The following CUL4B variants were observed in gnomAD, a reference collection of about 807,000 sequenced individuals.
CUL4B encodes cullin 4B.
Under a neutral mutation model 69.2 loss-of-function variants are expected in CUL4B, and 1 was observed. The ratio of observed to expected loss-of-function variants is 0.01; its 90% confidence interval spans 0.01 to 0.07. The LOEUF (loss-of-function observed/expected upper bound fraction) is 0.07, where lower values mean the gene tolerates loss of function less well. CUL4B is among the 10% of genes least tolerant of loss of function. The probability of loss-of-function intolerance (pLI) is 1.00; values close to 1 mark genes in which losing one functional copy is unlikely to be tolerated. For synonymous variants in CUL4B, 237 were observed against 223.2 expected (o/e 1.06, Z -0.55); for missense variants, 328 against 638.8 (o/e 0.51, Z 5.24).
In CUL4B at chrX:120,530,219, A is replaced by G; in HGVS notation, c.2475T>C (p.Phe825=). The G allele has an allele frequency of 1.7e-6, 2 of 1,210,785 alleles. No homozygotes were observed. Among genetic ancestry groups the G allele is most frequent in the Non-Finnish European group, 2.2e-6 (2 of 894,849 alleles). ...CATCAATTTGATACTGTCTGTCTTGAAATACTCTTTCTGTAGTGCTTGCTT... is the reference window on the plus strand; with the variant it reads ...CATCAATTTGATACTGTCTGTCTTGGAATACTCTTTCTGTAGTGCTTGCTT... ...EEQASTTERV[F]QDRQYQIDAA... is the part of the protein sequence containing the mutation. Residue 825 remains phenylalanine, a synonymous_variant, in exon 19 of 20, where the codon TTT becomes TTC. Coordinates refer to ENST00000371322, the MANE Select transcript of CUL4B (RefSeq NM_001079872.2).
chrX:120,572,550 A>G (rs942583568), intron 2 of CUL4B, among the ~76,000 whole-genome samples: 4 of 110,373 alleles, frequency 3.6e-5, no homozygotes, highest in African/African-American at 1.3e-4. Context: ...ATCTCCACTC[A>G]GTCCCTGTTC....
At chrX:120,536,070 C>T (rs1923653666) in intron 15 of CUL4B, 127 bp from the exon 16 acceptor site, 1 of 497,338 alleles carries the variant, frequency 2.0e-6, no homozygotes, top group Non-Finnish European at 3.6e-6. Flanking sequence ...GTCCACCAAT[C>T]ACTTTGATGA....
rs1224956282 is a variant in CUL4B, at chrX:120,534,384, A to C, written c.2266+97T>G. On this transcript the variant is annotated intron_variant, in intron 17 of 19. Transcript: ENST00000371322. ...AAAAAAAAGAAAAAAAAAACTCAAA[A>C]CAGTTCTGAGGCAAGGAATTATTCC... The C allele has an allele frequency of 7.9e-6, 5 of 635,062 alleles. No individual in the cohort carries two copies. In the South Asian group the frequency reaches 9.4e-5, roughly 12 times the overall value. 52.3% of individuals were successfully genotyped at this position (635,062 alleles called of 1,213,427 possible).
chrX:120,572,189 C>T (rs901186612), intron 2 of CUL4B, among the ~76,000 whole-genome samples: 5 of 109,298 alleles, frequency 4.6e-5, no homozygotes, highest in African/African-American at 1.7e-4. Flanking sequence ...CTTGGCTAGG[C>T]GTGGTAGCTC....
chrX:120,538,446 AAAT>A (rs1923795544), intron 13 of CUL4B: 2 of 420,779 alleles, frequency 4.8e-6, no homozygotes, highest in Non-Finnish European at 8.1e-6. Flanking sequence ...ATTTTTATAC[AAAT>A]AATAAAACCA....
At chrX:120,528,892 C>G (rs1923157067) in intron 19 of CUL4B, among the ~76,000 whole-genome samples, 1 of 111,687 alleles carries the variant, frequency 9.0e-6, no homozygotes, top group Non-Finnish European at 1.9e-5. Context: ...TCCTGGATGA[C>G]AAAATTCCAC....
In CUL4B at chrX:120,560,513, G is replaced by C; in HGVS notation, c.126C>G (p.Asn42Lys). 8.3e-7 allele frequency: 1 copy of C among 1,210,755 alleles called. No individual in the cohort carries two copies. The highest frequency in any genetic ancestry group is 1.1e-6 in the Non-Finnish European group (1 of 894,935). The stretch of plus-strand genomic sequence containing the variant: ...TGTTACTGCTGCTACTGCTGCTGCT[G>C]TTTAACTTTCTCTTCTTGGCAGAGG... Reference protein sequence around the residue: ...PPTSAKKRKLNSSSSSSSNSS... With the variant: ...PPTSAKKRKLKSSSSSSSNSS... Residue 42 changes from asparagine to lysine, a missense_variant, in exon 1 of 20, where the codon AAC becomes AAG. By Grantham distance (94) the Asn-to-Lys change is moderately conservative. Transcript: ENST00000371322.
At chrX:120,535,702 CTCAAA>C in intron 16 of CUL4B, 123 bp downstream of exon 16, 2 of 323,728 alleles carry the variant, frequency 6.2e-6, no homozygotes, top group Non-Finnish European at 1.0e-5. Flanking sequence ...GAGACTCTGT[CTCAAA>C]AAAAAAAAAA....
downstream of CUL4B, among the ~76,000 whole-genome samples, chrX:120,570,459 C>T (rs952808930): frequency 2.7e-5 from 3 of 112,145 alleles, no homozygotes; most frequent in Non-Finnish European, 5.6e-5. Context: ...GCTAAAACAG[C>T]AGAGTTTAGA....
chrX:120,551,574 T>C (rs1461960679), intron 2 of CUL4B, among the ~76,000 whole-genome samples: 1 of 111,538 alleles, frequency 9.0e-6, no homozygotes, highest in Non-Finnish European at 1.9e-5. Flanking sequence ...TGGAGTGGTG[T>C]CTGTAAAACA....
chrX:120,556,557 C>T (rs758271456), intron 2 of CUL4B, among the ~76,000 whole-genome samples: 13 of 110,730 alleles, frequency 1.2e-4, no homozygotes, highest in African/African-American at 3.6e-4. Flanking sequence ...TTGAGAGTGA[C>T]GGCTGGGTTT....
downstream of CUL4B, among the ~76,000 whole-genome samples, chrX:120,567,145 A>G (rs1319703204): frequency 1.2e-5 from 1 of 81,676 alleles, no homozygotes; most frequent in African/African-American, 4.8e-5. Context: ...TTTTTTTGAG[A>G]CAGAGTTTGG....
intron 5 of CUL4B, 105 bp from the exon 6 acceptor site, chrX:120,544,748 G>C: frequency 1.6e-6 from 1 of 615,694 alleles, no homozygotes; most frequent in Middle Eastern, 5.2e-4. Flanking sequence ...GGGCTCCAGG[G>C]CTTTGAAGCA....
upstream of CUL4B, among the ~76,000 whole-genome samples, chrX:120,565,126 T>A (rs1356084523): frequency 9.1e-6 from 1 of 109,500 alleles, no homozygotes; most frequent in African/African-American, 3.3e-5. Context: ...ATCACAGGGA[T>A]TCCCCAGGGT....
chrX:120,524,193 A>G lies in CUL4B; in HGVS notation c.*2568T>C, dbSNP rs751464618. 3.6e-5 allele frequency among the ~76,000 whole-genome samples: 4 copies of G among 111,305 alleles called. 1 individual carries two copies. In the South Asian group the frequency reaches 1.1e-3, roughly 31 times the overall value. On this transcript the variant is annotated 3_prime_UTR_variant, in exon 20 of 20. Coordinates refer to ENST00000371322, the MANE Select transcript of CUL4B (RefSeq NM_001079872.2). The stretch of plus-strand genomic sequence containing the variant: ...GTTCAAAAACTTTGAGGAACATCTT[A>G]CTCTGAGAGTATCTGGCCCAGAACT...
At chrX:120,559,205 A>C (rs765424130) in intron 1 of CUL4B, among the ~76,000 whole-genome samples, 2 of 112,203 alleles carry the variant, frequency 1.8e-5, no homozygotes, top group Non-Finnish European at 3.8e-5. Flanking sequence ...TCTATTTAAT[A>C]AACACTGTAG....
chrX:120,543,906 G>C lies in CUL4B; in HGVS notation c.1174-97C>G, dbSNP rs765570708. 1.1e-4 allele frequency: 70 copies of C among 657,550 alleles called. No homozygotes were observed. The African/African-American group carries it at 1.1e-3, about 10-fold the overall frequency. The allele number at this position is 657,550 out of a possible 1,213,427, so 54.2% of individuals were successfully genotyped here. Reference sequence around the variant, plus strand: ...TCCTGGAAGTGGCCCTGTCAAATGTGACAGGGTAGAATCATATGTAAAAAT... The same window carrying C: ...TCCTGGAAGTGGCCCTGTCAAATGTCACAGGGTAGAATCATATGTAAAAAT... On this transcript the variant is annotated intron_variant, in intron 7 of 19. Coordinates refer to ENST00000371322, the MANE Select transcript of CUL4B (RefSeq NM_001079872.2).
chrX:120,545,409 G>C, intron 5 of CUL4B, 35 bp downstream of exon 5: 3 of 948,513 alleles, frequency 3.2e-6, no homozygotes, highest in Non-Finnish European at 4.5e-6. Context: ...AGTATGATTT[G>C]GAACAATCTT....
intron 2 of CUL4B, among the ~76,000 whole-genome samples, chrX:120,554,007 C>T (rs1245010136): frequency 9.0e-6 from 1 of 111,382 alleles, no homozygotes; most frequent in Non-Finnish European, 1.9e-5. Context: ...TACTGAAGCA[C>T]ATTTGGAATG....
Sources: gnomAD v4.1 joint callset for allele counts (sites outside exome capture counted in the v4.1 genomes callset) on GRCh38, gnomAD v4.1.1 for gene constraint, MANE v1.5 for transcripts, NCBI Gene and HGNC (gene_info 2026-07-23, HGNC 2026-07-21) for gene names.